SEMA6D: variants seen among roughly 807,000 people sequenced by gnomAD.
The protein encoded by SEMA6D is semaphorin-6D.
SEMA6D carries 35 observed loss-of-function variants against 106.6 expected under a neutral mutation model. The observed-to-expected ratio is 0.33, with a 90% CI of 0.25 to 0.44. SEMA6D has a LOEUF of 0.44. Ranked by LOEUF, SEMA6D falls within the 20% of genes least tolerant of loss-of-function variation. SEMA6D has a pLI of 1.00. For missense variants in SEMA6D, 1,185 were observed against 1,345.9 expected (o/e 0.88, Z 1.87); for synonymous variants, 499 against 487.7 (o/e 1.02, Z -0.31).
Position 47,428,454 on chromosome 15 carries a change from G to A in SEMA6D, c.-159+15982G>A, listed in dbSNP as rs190492544. On this transcript the variant is annotated intron_variant, in intron 2 of 19. Coordinates refer to the SEMA6D transcript ENST00000558014. ...TGGAGAGGTAAAAAAGTATTTAGGCGCAGATCTACCCTTAAAAGTGGGTAA... is the reference window on the plus strand; with the variant it reads ...TGGAGAGGTAAAAAAGTATTTAGGCACAGATCTACCCTTAAAAGTGGGTAA... 3.2e-4 allele frequency among the ~76,000 whole-genome samples: 11 copies of A among 34,090 alleles called. 4 individuals are homozygous for A. In the East Asian group the frequency reaches 0.012, roughly 37 times the overall value. The allele number at this position is 34,090 out of a possible 152,430, so 22.4% of individuals were successfully genotyped here. A position where few individuals can be genotyped will look rare whatever the true frequency, so the allele number is the denominator to read the frequency against.
chr15:47,637,248 A>G (rs919896570), intron 4 of SEMA6D, among the ~76,000 whole-genome samples: 20 of 152,188 alleles, frequency 1.3e-4, no homozygotes, highest in Admixed American at 1.1e-3. Flanking sequence ...AGAAGCTAAT[A>G]AAATATTTCT....
chr15:47,192,538 CCAAAG>C (rs1894034494), intron 1 of SEMA6D, among the ~76,000 whole-genome samples: 1 of 151,422 alleles, frequency 6.6e-6, no homozygotes, highest in African/African-American at 2.4e-5. Flanking sequence ...ATACATCTGC[CCAAAG>C]ATGGGAAAAA....
chr15:47,746,982 G>GTA (rs1208849790), intron 1 of SEMA6D, among the ~76,000 whole-genome samples: 4,290 of 89,762 alleles, frequency 0.048, 190 homozygotes, highest in South Asian at 0.16. Flanking sequence ...GTGTGTGTGT[G>GTA]TGTATATATA....
chr15:47,552,486 C>CTG (rs1210627762), intron 3 of SEMA6D, among the ~76,000 whole-genome samples: 58 of 138,922 alleles, frequency 4.2e-4, no homozygotes, highest in African/African-American at 1.5e-3. Flanking sequence ...GTGTGTGTGT[C>CTG]TGTGTGTGTA....
At position 47,673,640 on chromosome 15, in the gene SEMA6D, A is replaced by G. The variant is rs142346555; in HGVS notation, c.-55+72744A>G. On this transcript the variant is annotated intron_variant, in intron 4 of 19. Coordinates refer to the SEMA6D transcript ENST00000558014. ...AATCAGCTGAAAAACAACCCAGTCTATGGGGCAAGACCAGCCCTGCTCAGG... is the reference window on the plus strand; with the variant it reads ...AATCAGCTGAAAAACAACCCAGTCTGTGGGGCAAGACCAGCCCTGCTCAGG... Among the ~76,000 whole-genome samples, 37 of 152,298 alleles carry G rather than the reference A, an allele frequency of 2.4e-4. No homozygotes were observed. In the East Asian group the frequency reaches 7.0e-3, roughly 29 times the overall value.
At chr15:47,486,808 T>C (rs1274787167) in intron 3 of SEMA6D, among the ~76,000 whole-genome samples, 1 of 152,240 alleles carries the variant, frequency 6.6e-6, no homozygotes, top group African/African-American at 2.4e-5. Flanking sequence ...TGACTACAGA[T>C]GTAATGCATG....
At chr15:47,407,479 T>C (rs2040633976) in intron 1 of SEMA6D, among the ~76,000 whole-genome samples, 1 of 151,952 alleles carries the variant, frequency 6.6e-6, no homozygotes, top group Non-Finnish European at 1.5e-5. Flanking sequence ...GAATGTGTGA[T>C]TTTCATCATT....
At chr15:47,219,060 A>G (rs1392578365) in intron 1 of SEMA6D, among the ~76,000 whole-genome samples, 1 of 152,212 alleles carries the variant, frequency 6.6e-6, no homozygotes, top group African/African-American at 2.4e-5. Flanking sequence ...CATTTAATCC[A>G]TTTATGGTCC....
intron 1 of SEMA6D, among the ~76,000 whole-genome samples, chr15:47,208,913 G>A (rs1291252580): frequency 6.6e-6 from 1 of 152,030 alleles, no homozygotes; most frequent in Non-Finnish European, 1.5e-5. Context: ...CTTTCACTCT[G>A]CTGTTTGTCC....
At position 47,223,910 on chromosome 15, in the gene SEMA6D, C is replaced by G. The variant is rs1305052165; in HGVS notation, c.-239+39492C>G. ...GTCTATTATAATTTGTGAATCTTAG[C>G]AATAACTACAGATTGTTTTTTAATG... On this transcript the variant is annotated intron_variant, in intron 1 of 19. Transcript: ENST00000558014. Among the ~76,000 whole-genome samples the G allele has an allele frequency of 2.0e-5, 3 of 151,968 alleles. No individual in the cohort carries two copies. The East Asian group carries it at 5.8e-4, about 29-fold the overall frequency.
intron 1 of SEMA6D, among the ~76,000 whole-genome samples, chr15:47,358,763 A>T (rs1170130521): frequency 5.9e-5 from 9 of 152,214 alleles, no homozygotes; most frequent in African/African-American, 2.2e-4. Flanking sequence ...GGGGGGACTC[A>T]ATGAGGCAGG....
chr15:47,371,642 C>A (rs1246181499), intron 1 of SEMA6D, among the ~76,000 whole-genome samples: 1 of 152,060 alleles, frequency 6.6e-6, no homozygotes, highest in African/African-American at 2.4e-5. Context: ...TGGTACTGAG[C>A]AACTTGTTGA....
chr15:47,298,237 A>G (rs1292290913), intron 1 of SEMA6D, among the ~76,000 whole-genome samples: 5 of 152,088 alleles, frequency 3.3e-5, no homozygotes, highest in Non-Finnish European at 7.4e-5. Flanking sequence ...CTGCCCTGCC[A>G]TCTCCTAGCC....
At chr15:47,192,252 T>C (rs955296749) in intron 1 of SEMA6D, among the ~76,000 whole-genome samples, 4 of 152,178 alleles carry the variant, frequency 2.6e-5, no homozygotes, top group Admixed American at 2.0e-4. Context: ...GGAACTTCCA[T>C]TGACACTCAC....
At chr15:47,463,175 A>G (rs368875348) in intron 2 of SEMA6D, among the ~76,000 whole-genome samples, 98 of 152,244 alleles carry the variant, frequency 6.4e-4, no homozygotes, top group African/African-American at 2.2e-3. Flanking sequence ...TTTTGGTGCA[A>G]TATTTTCAAT....
At chr15:47,534,985 G>A (rs909113797) in intron 3 of SEMA6D, among the ~76,000 whole-genome samples, 3 of 150,014 alleles carry the variant, frequency 2.0e-5, no homozygotes, top group Non-Finnish European at 4.4e-5. Context: ...ACATAATGTA[G>A]AACAGCTTTG....
At chr15:47,739,157 A>C (rs2080639310) in intron 1 of SEMA6D, among the ~76,000 whole-genome samples, 2 of 152,216 alleles carry the variant, frequency 1.3e-5, no homozygotes, top group African/African-American at 4.8e-5. Context: ...CAGGGAGGAT[A>C]TATACACCCA....
chr15:47,533,685 C>G (rs962593223), intron 3 of SEMA6D, among the ~76,000 whole-genome samples: 1 of 152,232 alleles, frequency 6.6e-6, no homozygotes, highest in South Asian at 2.1e-4. Flanking sequence ...ACTGTGCCCC[C>G]ACCAGACCAT....
At chr15:47,394,900 CT>C (rs199501974) in intron 1 of SEMA6D, among the ~76,000 whole-genome samples, 2 of 150,444 alleles carry the variant, frequency 1.3e-5, no homozygotes, top group Non-Finnish European at 3.0e-5. Flanking sequence ...CCTATGATGC[CT>C]TTTTTTTTAA....
Sources: gnomAD v4.1 joint callset for allele counts (sites outside exome capture counted in the v4.1 genomes callset) on GRCh38, gnomAD v4.1.1 for gene constraint, MANE v1.5 for transcripts, NCBI Gene and HGNC (gene_info 2026-07-23, HGNC 2026-07-21) for gene names.